Variants in CD96 observed in about 807,000 individuals in gnomAD.
The protein encoded by CD96 is CD96 molecule, also known as T-cell surface protein tactile.
In CD96, 70 loss-of-function variants were observed where a neutral mutation model predicts 71.3. The ratio of observed to expected loss-of-function variants is 0.98; its 90% CI spans 0.81 to 1.20. CD96 has a LOEUF of 1.20. CD96 is among the 50% of genes most tolerant of loss of function. The pLI is 0.00. For missense variants in CD96, 742 were observed against 677.5 expected, an observed-to-expected ratio of 1.10 and a Z score of -1.06; for synonymous variants, 248 against 233.0, an observed-to-expected ratio of 1.06 and a Z score of -0.59.
chr3:111,626,673 A>T (rs1018262695), intron 10 of CD96, among the ~76,000 whole-genome samples: 4 of 152,242 alleles, frequency 2.6e-5, no homozygotes, highest in Non-Finnish European at 5.9e-5. Flanking sequence ...AACTTTAAGT[A>T]ATCTAAATGG....
At chr3:111,646,540 T>C (rs1392479132) in intron 12 of CD96, among the ~76,000 whole-genome samples, 1 of 132,318 alleles carries the variant, frequency 7.6e-6, no homozygotes, top group Admixed American at 7.5e-5. Context: ...TACTGAAAAG[T>C]AAAAAAAAAA....
rs1359765206 is a variant in CD96, at chr3:111,652,241, ATTAT to A, written c.*2440_*2443del. 6.6e-6 allele frequency: 1 copy of A among 152,104 alleles called. No homozygotes were observed. Among genetic ancestry groups the A allele is most frequent in the African/African-American group, 2.4e-5 (1 of 41,418 alleles). The allele number at this position is 152,104 out of a possible 1,614,324, so 9.4% of individuals were successfully genotyped here. A position where few individuals can be genotyped will look rare whatever the true frequency, so the allele number is the denominator to read the frequency against. Reference sequence around the variant, plus strand: ...AAAAATAAACTGTTTACCTGCCTTAATTATTTATCTTTAGTTCCTTATTAGTTCT... The same window carrying A: ...AAAAATAAACTGTTTACCTGCCTTAATTATCTTTAGTTCCTTATTAGTTCT... On this transcript the variant is annotated 3_prime_UTR_variant, in exon 14 of 14. Transcript: ENST00000352690.
At chr3:111,634,575 G>A (rs1939233467) in intron 10 of CD96, 1 of 152,174 alleles carries the variant, frequency 6.6e-6, no homozygotes, top group Admixed American at 6.6e-5. Context: ...ATGTTGCCTT[G>A]AAGTACACAG....
chr3:111,567,688 T>C, intron 3 of CD96, 41 bp downstream of exon 3: 1 of 1,566,752 alleles, frequency 6.4e-7, no homozygotes, highest in South Asian at 1.1e-5. Context: ...CAATGGTCTT[T>C]AAACATTAAC....
Position 111,649,913 on chromosome 3 carries a change from C to A in CD96, c.*107C>A, listed in dbSNP as rs917146915. The A allele has an allele frequency of 6.4e-5, 51 of 798,938 alleles. No individual in the cohort carries two copies. Among genetic ancestry groups the A allele is most frequent in the Non-Finnish European group, 1.0e-4 (48 of 459,072 alleles). The allele number at this position is 798,938 out of a possible 1,614,324, so 49.5% of individuals were successfully genotyped here. A position where few individuals can be genotyped will look rare whatever the true frequency, so the allele number is the denominator to read the frequency against. Reference sequence around the variant, plus strand: ...CTCTTCAGCCATGCCTTTGCTGCAGCTGAAATGGAAGTCAGAAGTGAGTGA... The same window carrying A: ...CTCTTCAGCCATGCCTTTGCTGCAGATGAAATGGAAGTCAGAAGTGAGTGA... On this transcript the variant is annotated 3_prime_UTR_variant, in exon 14 of 14. Coordinates refer to ENST00000352690, the MANE Select transcript of CD96 (RefSeq NM_005816.5).
At chr3:111,556,680 T>C (rs1935067632) in intron 2 of CD96, among the ~76,000 whole-genome samples, 1 of 142,372 alleles carries the variant, frequency 7.0e-6, no homozygotes, top group South Asian at 2.2e-4. Context: ...TGCATGTGTC[T>C]TTATAGCAGC....
At chr3:111,614,301 G>C (rs543144999) in intron 8 of CD96, among the ~76,000 whole-genome samples, 2 of 152,154 alleles carry the variant, frequency 1.3e-5, no homozygotes, top group African/African-American at 4.8e-5. Flanking sequence ...GCTCCTAGCT[G>C]CTGGCTTGGG....
At chr3:111,628,399 C>A (rs187984634) in intron 10 of CD96, among the ~76,000 whole-genome samples, 1 of 152,276 alleles carries the variant, frequency 6.6e-6, no homozygotes, top group East Asian at 1.9e-4. Context: ...GCTTTAATAG[C>A]AGAATAGACC....
chr3:111,543,174 G>A (rs1934196721), intron 1 of CD96, among the ~76,000 whole-genome samples: 1 of 152,164 alleles, frequency 6.6e-6, no homozygotes, highest in South Asian at 2.1e-4. Flanking sequence ...TTACTTTTAA[G>A]AGGCTTGTTT....
Position 111,607,052 on chromosome 3 carries a change from A to T in CD96, c.1180+260A>T, listed in dbSNP as rs562939128. ...CTACAGCCAATTTCAGAACATTTTCATCATCTAATAAAGAAACTCCTAAAC... is the reference window on the plus strand; with the variant it reads ...CTACAGCCAATTTCAGAACATTTTCTTCATCTAATAAAGAAACTCCTAAAC... On this transcript the variant is annotated intron_variant, in intron 8 of 13. Coordinates refer to ENST00000352690, the MANE Select transcript of CD96 (RefSeq NM_005816.5). 1.6e-4 allele frequency: 82 copies of T among 523,512 alleles called. 2 individuals are homozygous for T. The South Asian group carries it at 1.7e-3, about 11-fold the overall frequency. 32.4% of individuals were successfully genotyped at this position (523,512 alleles called of 1,614,324 possible). A position where few individuals can be genotyped will look rare whatever the true frequency, so the allele number is the denominator to read the frequency against.
rs115521130 is a variant in CD96 at position 111,578,177 on chromosome 3, G to A, written c.544-850G>A. 3.1e-3 allele frequency among the ~76,000 whole-genome samples: 466 copies of A among 152,192 alleles called. 5 individuals carry two copies. Among genetic ancestry groups the A allele is most frequent in the African/African-American group, 0.01 (428 of 41,504 alleles). On this transcript the variant is annotated intron_variant, in intron 3 of 13. Transcript: ENST00000352690. Reference sequence around the variant, plus strand: ...GCCCGTCAAGAATCCCCTCCTTACTGGGCCCCTAGTGAGCACTTTTATTGA... The same window carrying A: ...GCCCGTCAAGAATCCCCTCCTTACTAGGCCCCTAGTGAGCACTTTTATTGA...
At chr3:111,613,397 A>T (rs1020023171) in intron 8 of CD96, among the ~76,000 whole-genome samples, 1 of 152,146 alleles carries the variant, frequency 6.6e-6, no homozygotes, top group African/African-American at 2.4e-5. Context: ...GCCCCAAACA[A>T]TCTGCCTCCC....
intron 2 of CD96, among the ~76,000 whole-genome samples, chr3:111,564,600 T>G (rs1369477874): frequency 6.6e-6 from 1 of 152,214 alleles, no homozygotes; most frequent in Non-Finnish European, 1.5e-5. Context: ...TTTAGCTCAT[T>G]TTGAATAATT....
intron 8 of CD96, among the ~76,000 whole-genome samples, chr3:111,620,821 T>C (rs1576400495): frequency 6.6e-6 from 1 of 152,192 alleles, no homozygotes; most frequent in Non-Finnish European, 1.5e-5. Context: ...GCAGCATGCA[T>C]CCCTGAGGCA....
intron 8 of CD96, among the ~76,000 whole-genome samples, chr3:111,623,042 A>G (rs1274188307): frequency 1.3e-5 from 2 of 152,168 alleles, no homozygotes; most frequent in African/African-American, 4.8e-5. Flanking sequence ...ATCTTCTTGT[A>G]TTGCACATTG....
At chr3:111,630,799 G>C (rs1939022614) in intron 10 of CD96, among the ~76,000 whole-genome samples, 1 of 152,150 alleles carries the variant, frequency 6.6e-6, no homozygotes, top group East Asian at 1.9e-4. Context: ...ACATCAAAAA[G>C]CTTATCCACC....
Position 111,638,074 on chromosome 3 carries a change from C to T in CD96, c.1388-5C>T, listed in dbSNP as rs548449383. The T allele has an allele frequency of 1.9e-6, 3 of 1,556,724 alleles. No individual in the cohort carries two copies. In the South Asian group the frequency reaches 3.3e-5, roughly 17 times the overall value. Reference sequence around the variant, plus strand: ...CTTGTCCAGATATCCCCTTTATATCCCTAGACAATGTCTTTACCAGCACAG... The same window carrying T: ...CTTGTCCAGATATCCCCTTTATATCTCTAGACAATGTCTTTACCAGCACAG... On this transcript the variant is annotated splice_polypyrimidine_tract_variant and splice_region_variant and intron_variant, in intron 11 of 13. Coordinates refer to ENST00000352690, the MANE Select transcript of CD96 (RefSeq NM_005816.5).
intron 5 of CD96, 119 bp from the exon 6 acceptor site, chr3:111,598,001 T>C: frequency 1.4e-6 from 1 of 722,406 alleles, no homozygotes; most frequent in Non-Finnish European, 2.5e-6. Flanking sequence ...TTGCCTTCTA[T>C]TTATTCAGTT....
intron 12 of CD96, among the ~76,000 whole-genome samples, chr3:111,642,666 G>A (rs1317253458): frequency 6.6e-6 from 1 of 152,022 alleles, no homozygotes; most frequent in African/African-American, 2.4e-5. Flanking sequence ...AATCAGCCAG[G>A]TATGGTGGCA....
Sources: allele counts gnomAD v4.1 joint callset (sites outside exome capture counted in the v4.1 genomes callset), GRCh38; gene constraint gnomAD v4.1.1; transcripts MANE v1.5; gene names NCBI Gene and HGNC (gene_info 2026-07-23, HGNC 2026-07-21).